LRRK2: variants seen among roughly 807,000 people sequenced by gnomAD.
The protein encoded by LRRK2 is leucine rich repeat kinase 2, also known as leucine-rich repeat serine/threonine-protein kinase 2.
Under a neutral mutation model 302.6 loss-of-function variants are expected in LRRK2, and 203 were observed. The ratio of observed to expected loss-of-function variants is 0.67; its 90% CI spans 0.60 to 0.75. The LOEUF is 0.75. LRRK2 is among the 30% of genes least tolerant of loss of function. The pLI is 0.00. For synonymous variants in LRRK2, 1,066 were observed against 1,031.9 expected, an observed-to-expected ratio of 1.03 and a Z score of -0.63; for missense variants, 2,830 against 2,951.0, an observed-to-expected ratio of 0.96 and a Z score of 0.95.
Position 40,363,523 on chromosome 12 carries a change from T to C in LRRK2, c.7150T>C (p.Cys2384Arg). 1 of 1,611,968 alleles carries C rather than the reference T, an allele frequency of 6.2e-7. No individual in the cohort carries two copies. The highest frequency in any genetic ancestry group is 8.5e-7 in the Non-Finnish European group (1 of 1,178,608). Residue 2384 changes from cysteine to arginine, a missense_variant, in exon 48 of 51, where the codon TGT (cysteine) becomes CGT (arginine). Transcript: ENST00000298910. ...EVWDKKTEKL[C>R]GLIDCVHFLR... Reference sequence around the variant, plus strand: ...GTGGGATAAGAAAACTGAAAAACTCTGTGGACTAATAGACTGCGTGCACTT... The same window carrying C: ...GTGGGATAAGAAAACTGAAAAACTCCGTGGACTAATAGACTGCGTGCACTT...
rs748656863 is a variant in LRRK2, at chr12:40,367,790, A to T, written c.*25A>T. The T allele has an allele frequency of 6.3e-7, 1 of 1,596,376 alleles. No individual in the cohort carries two copies. The highest frequency in any genetic ancestry group is 8.5e-7 in the Non-Finnish European group (1 of 1,169,674). On this transcript the variant is annotated 3_prime_UTR_variant, in exon 51 of 51. Transcript: ENST00000298910. ...AGAGAGAAATAGGAATTGTCTTTGG[A>T]TAGGAAAATTATTCTCTCCTCTTGT... is the stretch of plus-strand genomic sequence containing the variant.
At position 40,225,039 on chromosome 12, in the gene LRRK2, C is replaced by G. The variant is rs1940793421; in HGVS notation, c.-93C>G. On this transcript the variant is annotated 5_prime_UTR_variant, in exon 1 of 51. Coordinates refer to ENST00000298910, the MANE Select transcript of LRRK2 (RefSeq NM_198578.4). ...CTGGCTGCGGGCGGTGAGCTGAGCT[C>G]GCCCCCGGGGAGCTGTGGCCGGCGC... The G allele has an allele frequency of 1.3e-6, 2 of 1,536,738 alleles. No individual in the cohort carries two copies. The highest frequency in any genetic ancestry group is 1.8e-6 in the Non-Finnish European group (2 of 1,124,964).
intron 25 of LRRK2, among the ~76,000 whole-genome samples, chr12:40,302,053 C>T (rs1788751716): frequency 1.3e-5 from 2 of 152,084 alleles, no homozygotes; most frequent in Admixed American, 6.5e-5. Context: ...TGGCACCTGC[C>T]TGTAATCCCA....
At chr12:40,339,294 C>G (rs957911039) in intron 40 of LRRK2, among the ~76,000 whole-genome samples, 2 of 152,154 alleles carry the variant, frequency 1.3e-5, no homozygotes, top group Non-Finnish European at 2.9e-5. Context: ...TATAACATAC[C>G]TGTGACATCA....
At chr12:40,293,323 T>C (rs1944235986) in intron 20 of LRRK2, among the ~76,000 whole-genome samples, 1 of 152,016 alleles carries the variant, frequency 6.6e-6, no homozygotes, top group African/African-American at 2.4e-5. Context: ...AGCCATTCTA[T>C]AAATATTTAT....
intron 25 of LRRK2, among the ~76,000 whole-genome samples, chr12:40,300,005 T>C (rs1944564259): frequency 6.6e-6 from 1 of 152,172 alleles, no homozygotes; most frequent in African/African-American, 2.4e-5. Flanking sequence ...TACCCTGTGG[T>C]TCCCTTTAGT....
At chr12:40,340,591 A>G in intron 41 of LRRK2, 137 bp downstream of exon 41, 1 of 890,104 alleles carries the variant, frequency 1.1e-6, no homozygotes, top group Non-Finnish European at 1.8e-6. Flanking sequence ...AAAAAATGCA[A>G]GCATCACATT....
rs201930496 is a variant in LRRK2, at chr12:40,322,418, C to T, written c.5417C>T (p.Thr1806Ile). 4 of 1,613,276 alleles carry T rather than the reference C, an allele frequency of 2.5e-6. No homozygotes were observed. The highest frequency in any genetic ancestry group is 1.1e-5 in the South Asian group (1 of 91,070). The change falls in exon 37 of 51, where the codon ACT becomes ATT. Residue 1806 changes from threonine to isoleucine, a missense_variant. This residue lies in a region of LRRK2 where 2,121 missense variants were observed against 2,148.0 expected (regional missense o/e 0.99). Coordinates refer to ENST00000298910, the MANE Select transcript of LRRK2 (RefSeq NM_198578.4). ...LEIDICGEGE[T>I]LLKKWALYSF... ...ATTGATATTTGTGGTGAAGGAGAAA[C>T]TCTGTTGAAGAAATGGGCATTATAT...
chr12:40,325,427 T>C (rs1479803403), intron 38 of LRRK2, among the ~76,000 whole-genome samples: 1 of 152,162 alleles, frequency 6.6e-6, no homozygotes, highest in Non-Finnish European at 1.5e-5. Flanking sequence ...TAGATAGGAG[T>C]TTCTCAGTCT....
At chr12:40,233,546 A>AATTAATTGG (rs1310870676) in intron 3 of LRRK2, among the ~76,000 whole-genome samples, 3 of 152,206 alleles carry the variant, frequency 2.0e-5, no homozygotes, top group Non-Finnish European at 4.4e-5. Flanking sequence ...GCATATTTAC[A>AATTAATTGG]ATTAATTGGA....
At chr12:40,336,396 A>G (rs1467843483) in intron 40 of LRRK2, among the ~76,000 whole-genome samples, 3 of 152,188 alleles carry the variant, frequency 2.0e-5, no homozygotes, top group Non-Finnish European at 4.4e-5. Flanking sequence ...CATTTTTTAA[A>G]AACTTATTTA....
At position 40,323,100 on chromosome 12, in the gene LRRK2, C is replaced by A. The variant is rs1407922053; in HGVS notation, c.5510-60C>A. ...CCATTATTTTTTCACATCAAAACCACAAATTTATGTATCTCCTTAAATGTT... is the reference window on the plus strand; with the variant it reads ...CCATTATTTTTTCACATCAAAACCAAAAATTTATGTATCTCCTTAAATGTT... On this transcript the variant is annotated intron_variant, in intron 37 of 50. Transcript: ENST00000298910. The A allele has an allele frequency of 3.9e-5, 58 of 1,477,200 alleles. No individual in the cohort carries two copies. The Admixed American group carries it at 9.9e-4, about 25-fold the overall frequency. The allele number at this position is 1,477,200 out of a possible 1,614,324, so 91.5% of individuals were successfully genotyped here.
At position 40,366,667 on chromosome 12, in the gene LRRK2, T is replaced by A. The variant is rs1946889226; in HGVS notation, c.7391-339T>A. 5 of 277,130 alleles carry A rather than the reference T, an allele frequency of 1.8e-5. No individual in the cohort carries two copies. The East Asian group carries it at 4.8e-4, about 27-fold the overall frequency. The allele number at this position is 277,130 out of a possible 1,614,324, so 17.2% of individuals were successfully genotyped here. On this transcript the variant is annotated intron_variant, in intron 49 of 50. Coordinates refer to ENST00000298910, the MANE Select transcript of LRRK2 (RefSeq NM_198578.4). ...GTACTAAATACTCATATTTGTACCT[T>A]ACCATATCCAAAGAACTTTTCACAC...
At chr12:40,250,390 C>T (rs1051881371) in intron 8 of LRRK2, among the ~76,000 whole-genome samples, 4 of 151,858 alleles carry the variant, frequency 2.6e-5, no homozygotes, top group Admixed American at 2.0e-4. Flanking sequence ...CTCGGGAGGC[C>T]GAGGCAGGAG....
intron 25 of LRRK2, among the ~76,000 whole-genome samples, chr12:40,301,562 G>A (rs910819024): frequency 9.2e-5 from 14 of 152,238 alleles, no homozygotes; most frequent in South Asian, 2.1e-4. Context: ...TTTATTTTGC[G>A]AATAGGTGAG....
At chr12:40,328,300 T>G in intron 38 of LRRK2, 60 bp from the exon 39 acceptor site, 1 of 1,253,416 alleles carries the variant, frequency 8.0e-7, no homozygotes, top group Non-Finnish European at 1.2e-6. Context: ...AGATATAATT[T>G]ATTTAGTTTT....
At chr12:40,342,568 T>G (rs540258723) in intron 41 of LRRK2, among the ~76,000 whole-genome samples, 1 of 151,554 alleles carries the variant, frequency 6.6e-6, no homozygotes, top group East Asian at 1.9e-4. Context: ...ATCTCAGCCC[T>G]AAACTCTGCC....
chr12:40,311,641 C>T (rs1037121509), intron 31 of LRRK2, among the ~76,000 whole-genome samples: 2 of 152,140 alleles, frequency 1.3e-5, no homozygotes, highest in Non-Finnish European at 2.9e-5. Context: ...GGTTATAACT[C>T]CATGCTGGCC....
intron 20 of LRRK2, among the ~76,000 whole-genome samples, chr12:40,293,060 T>C (rs936526478): frequency 6.6e-6 from 1 of 151,940 alleles, no homozygotes; most frequent in South Asian, 2.1e-4. Flanking sequence ...ATTCAGGGAG[T>C]TAATCCACTC....
Sources: allele counts gnomAD v4.1 joint callset (sites outside exome capture counted in the v4.1 genomes callset), GRCh38; gene constraint gnomAD v4.1.1; regional missense constraint gnomAD v4.1.1; transcripts MANE v1.5; gene names NCBI Gene and HGNC (gene_info 2026-07-23, HGNC 2026-07-21).